The following FAT3 variants were observed in gnomAD, a reference collection of about 807,000 sequenced individuals.
The protein encoded by FAT3 is FAT atypical cadherin 3, also known as protocadherin Fat 3.
FAT3 carries 95 observed loss-of-function variants against 310.2 expected under a neutral mutation model. The ratio of observed to expected loss-of-function variants is 0.31; its 90% CI spans 0.26 to 0.36. FAT3 has a LOEUF of 0.36. FAT3 is among the 10% of genes least tolerant of loss of function. FAT3 has a pLI of 1.00. For missense variants in FAT3, 5,408 were observed against 5,715.6 expected (o/e 0.95, Z 1.74); for synonymous variants, 2,314 against 2,192.9 (o/e 1.06, Z -1.54).
At chr11:92,792,702 A>G in intron 8 of FAT3, 65 bp from the exon 9 acceptor site, 6 of 1,505,556 alleles carry the variant, frequency 4.0e-6, no homozygotes, top group Non-Finnish European at 4.6e-6. Context: ...CACCCCAAAC[A>G]TAGCCATGTG....
chr11:92,707,927 T>C (rs1021889565), intron 4 of FAT3, among the ~76,000 whole-genome samples: 2 of 152,198 alleles, frequency 1.3e-5, no homozygotes, highest in African/African-American at 2.4e-5. Context: ...CTTCTATTAA[T>C]AATCAGGAAA....
chr11:92,510,697 A>G (rs1322829977), intron 2 of FAT3, among the ~76,000 whole-genome samples: 1 of 152,234 alleles, frequency 6.6e-6, no homozygotes, highest in Non-Finnish European at 1.5e-5. Context: ...CCAAACAGAC[A>G]AGGAGAGCTG....
chr11:92,318,663 A>G (rs1006172382), intron 1 of FAT3, among the ~76,000 whole-genome samples: 1 of 152,252 alleles, frequency 6.6e-6, no homozygotes, highest in African/African-American at 2.4e-5. Flanking sequence ...GAATTGAAAT[A>G]CCCATAAGAG....
At chr11:92,670,586 C>T (rs561498834) in intron 3 of FAT3, among the ~76,000 whole-genome samples, 1 of 152,132 alleles carries the variant, frequency 6.6e-6, no homozygotes, top group African/African-American at 2.4e-5. Flanking sequence ...TGAGCCAGCT[C>T]GCAAGTGCCT....
At chr11:92,852,685 ATAT>A (rs1157695802) in intron 19 of FAT3, among the ~76,000 whole-genome samples, 1 of 152,208 alleles carries the variant, frequency 6.6e-6, no homozygotes, top group Non-Finnish European at 1.5e-5. Context: ...ATTTATATTG[ATAT>A]TATTCATCTT....
intron 4 of FAT3, among the ~76,000 whole-genome samples, chr11:92,740,426 T>A (rs1300755212): frequency 2.6e-5 from 4 of 152,198 alleles, no homozygotes; most frequent in Non-Finnish European, 5.9e-5. Context: ...TTACTTAGAC[T>A]TCATGATAGG....
rs16917721 is a variant in FAT3, at chr11:92,553,314, C to T, written c.3607+28366C>T. On this transcript the variant is annotated intron_variant, in intron 3 of 27. Coordinates refer to ENST00000525166, the MANE Select transcript of FAT3 (RefSeq NM_001367949.2). Reference sequence around the variant, plus strand: ...TAATAATAAGCCCAATATCAGGTATCACAAATGTTTGCAGAGTTCCTGCTT... The same window carrying T: ...TAATAATAAGCCCAATATCAGGTATTACAAATGTTTGCAGAGTTCCTGCTT... 9.1e-3 allele frequency among the ~76,000 whole-genome samples: 1,383 copies of T among 152,272 alleles called. 33 individuals carry two copies. In the East Asian group the frequency reaches 0.093, roughly 10 times the overall value.
At chr11:92,877,135 G>T (rs780919298) in intron 22 of FAT3, among the ~76,000 whole-genome samples, 1 of 152,164 alleles carries the variant, frequency 6.6e-6, no homozygotes, top group Non-Finnish European at 1.5e-5. Context: ...AAGGCAGAGA[G>T]ACAGGTGGTA....
intron 1 of FAT3, among the ~76,000 whole-genome samples, chr11:92,254,653 C>T (rs1371732651): frequency 6.6e-6 from 1 of 152,044 alleles, no homozygotes; most frequent in East Asian, 1.9e-4. Flanking sequence ...CTAGGAGTCA[C>T]ACAGAGCCAT....
chr11:92,280,476 T>G (rs1946392236), intron 1 of FAT3, among the ~76,000 whole-genome samples: 1 of 152,234 alleles, frequency 6.6e-6, no homozygotes, highest in South Asian at 2.1e-4. Context: ...TTCCTTTTTG[T>G]GCATTACTGC....
chr11:92,694,617 A>G (rs1230736423), intron 3 of FAT3, among the ~76,000 whole-genome samples: 2 of 152,176 alleles, frequency 1.3e-5, no homozygotes, highest in African/African-American at 4.8e-5. Context: ...CCCTGTGCAC[A>G]GCCACACCAC....
chr11:92,576,985 G>A (rs961008452), intron 3 of FAT3, among the ~76,000 whole-genome samples: 1 of 151,004 alleles, frequency 6.6e-6, no homozygotes, highest in Non-Finnish European at 1.5e-5. Context: ...GTATATATTT[G>A]AATCATAGAC....
At chr11:92,258,966 G>A (rs570519176) in intron 1 of FAT3, among the ~76,000 whole-genome samples, 1 of 151,822 alleles carries the variant, frequency 6.6e-6, no homozygotes, top group Non-Finnish European at 1.5e-5. Flanking sequence ...AAAGATGGTG[G>A]CATTAACAGA....
In FAT3 at chr11:92,267,567, A is replaced by T. The variant is rs373083271; in HGVS notation, c.-18+42393A>T. 4.5e-3 allele frequency among the ~76,000 whole-genome samples: 672 copies of T among 148,870 alleles called. 2 individuals carry two copies. The highest frequency in any genetic ancestry group is 0.017 in the African/African-American group (653 of 38,534). Reference sequence around the variant, plus strand: ...AGCAGCTCCAGGGTTTGGAAGTATGAAAAGAAAAAAAAAAAAGTGGTGGTG... The same window carrying T: ...AGCAGCTCCAGGGTTTGGAAGTATGTAAAGAAAAAAAAAAAAGTGGTGGTG... On this transcript the variant is annotated intron_variant, in intron 1 of 27. Transcript: ENST00000525166.
intron 2 of FAT3, among the ~76,000 whole-genome samples, chr11:92,512,939 G>T (rs1168124502): frequency 9.8e-5 from 9 of 92,204 alleles, no homozygotes; most frequent in Non-Finnish European, 1.5e-4. Context: ...TGGCTAACAC[G>T]GTGAAACCCC....
intron 2 of FAT3, among the ~76,000 whole-genome samples, chr11:92,445,786 G>A (rs945144787): frequency 6.6e-6 from 1 of 151,996 alleles, no homozygotes; most frequent in Non-Finnish European, 1.5e-5. Flanking sequence ...TTGTTTCCTT[G>A]GGTCTTTTTT....
At chr11:92,295,793 A>G (rs759270867) in intron 1 of FAT3, among the ~76,000 whole-genome samples, 1 of 152,066 alleles carries the variant, frequency 6.6e-6, no homozygotes, top group Non-Finnish European at 1.5e-5. Flanking sequence ...TTTTTCTTTT[A>G]CACAACAATG....
At chr11:92,584,814 C>T (rs1939046288) in intron 3 of FAT3, among the ~76,000 whole-genome samples, 2 of 151,746 alleles carry the variant, frequency 1.3e-5, no homozygotes, top group Non-Finnish European at 2.9e-5. Context: ...TGAAGAACAT[C>T]TTCAAGGATT....
At chr11:92,423,696 G>A (rs1411037849) in intron 2 of FAT3, among the ~76,000 whole-genome samples, 2 of 152,210 alleles carry the variant, frequency 1.3e-5, no homozygotes, top group African/African-American at 2.4e-5. Flanking sequence ...GTGGGGAGGG[G>A]GATTTAATTT....
Sources: gnomAD v4.1 joint callset for allele counts (sites outside exome capture counted in the v4.1 genomes callset) on GRCh38, gnomAD v4.1.1 for gene constraint, MANE v1.5 for transcripts, NCBI Gene and HGNC (gene_info 2026-07-23, HGNC 2026-07-21) for gene names.